The following NTRK3 variants were observed in gnomAD, a reference collection of about 807,000 sequenced individuals.
The protein encoded by NTRK3 is NT-3 growth factor receptor.
Under a neutral mutation model 91.7 loss-of-function variants are expected in NTRK3, and 24 were observed. That is an observed-to-expected ratio of 0.26 (90% CI 0.19 to 0.37). The LOEUF is 0.37. Ranked by LOEUF, NTRK3 falls within the 10% of genes least tolerant of loss-of-function variation. NTRK3 has a pLI of 1.00. For synonymous variants in NTRK3, 483 were observed against 404.0 expected, an observed-to-expected ratio of 1.20 and a Z score of -2.34; for missense variants, 880 against 1,068.9, an observed-to-expected ratio of 0.82 and a Z score of 2.46.
rs2052588273 is a variant in NTRK3, at chr15:88,243,818, TAGTC to T, written c.248+12084_248+12087del. Among the ~76,000 whole-genome samples the T allele has an allele frequency of 6.6e-6, 1 of 152,136 alleles. No homozygotes were observed. On this transcript the variant is annotated intron_variant, in intron 3 of 18. Coordinates refer to ENST00000394480, the Ensembl canonical transcript of NTRK3. This position sits in a 1 kb window ranked among gnomAD's most constrained non-coding sequence, Gnocchi z 4.8. ...CAGGATTGTTTCATCACAATCAACTTAGTCAGTTGCCCATGTGGTTTCTCCAGTT... is the reference window on the plus strand; with the variant it reads ...CAGGATTGTTTCATCACAATCAACTTAGTTGCCCATGTGGTTTCTCCAGTT...
chr15:87,984,311 T>A (rs1382621323), intron 14 of NTRK3, among the ~76,000 whole-genome samples: 1 of 152,220 alleles, frequency 6.6e-6, no homozygotes, highest in East Asian at 1.9e-4. Context: ...TAGACACATG[T>A]CTCTTGCTTC....
exon 19 of NTRK3, chr15:87,866,167 T>C (rs2064670180): frequency 4.4e-6 from 1 of 225,408 alleles, no homozygotes; most frequent in East Asian, 6.4e-5. Context: ...GGGCAGACAA[T>C]GTTTTTCCAA....
intron 13 of NTRK3, among the ~76,000 whole-genome samples, chr15:88,124,037 C>A (rs2053022343): frequency 6.6e-6 from 1 of 152,130 alleles, no homozygotes; most frequent in Non-Finnish European, 1.5e-5. Flanking sequence ...AAGAGGGATG[C>A]ATTCGGATGG....
chr15:88,059,561 C>A (rs1377304337), intron 13 of NTRK3, among the ~76,000 whole-genome samples: 1 of 150,848 alleles, frequency 6.6e-6, no homozygotes, highest in African/African-American at 2.4e-5. Flanking sequence ...TCCAAACTCT[C>A]TGGCAAGCAC....
intron 7 of NTRK3, among the ~76,000 whole-genome samples, chr15:88,136,854 T>A (rs1368843111): frequency 6.6e-6 from 1 of 151,952 alleles, no homozygotes; most frequent in Non-Finnish European, 1.5e-5. Flanking sequence ...GGTTGCGGGG[T>A]GGGGGCAGTG....
At chr15:88,041,961 C>A (rs1401245166) in intron 13 of NTRK3, among the ~76,000 whole-genome samples, 1 of 151,990 alleles carries the variant, frequency 6.6e-6, no homozygotes, top group African/African-American at 2.4e-5. Context: ...CAGATCATGA[C>A]CACTTAGATC....
intron 5 of NTRK3, among the ~76,000 whole-genome samples, chr15:88,159,943 TACACAC>T (rs59254719): frequency 0.19 from 21,519 of 111,806 alleles, 1,928 homozygotes; most frequent in Middle Eastern, 0.22. Context: ...CCCAGCCTCC[TACACAC>T]ACACACACAC....
chr15:88,185,774 G>A (rs909297353), intron 3 of NTRK3, among the ~76,000 whole-genome samples: 3 of 152,182 alleles, frequency 2.0e-5, no homozygotes, highest in African/African-American at 7.2e-5. Flanking sequence ...TCTGCCATCT[G>A]CCACCAACTC....
intron 14 of NTRK3, among the ~76,000 whole-genome samples, chr15:87,989,272 G>A (rs1335221084): frequency 6.6e-6 from 1 of 152,202 alleles, no homozygotes; most frequent in Non-Finnish European, 1.5e-5. Context: ...ATCAATGATA[G>A]ACTGGATTAA....
At position 87,967,539 on chromosome 15, in the gene NTRK3, G is replaced by C. The variant is rs149288865; in HGVS notation, c.1586-26786C>G. ...CAAGTCCAAATGTGATGCACAATGA[G>C]AGCTACAGTGCAATGAAGGGATGCC... is the stretch of plus-strand genomic sequence containing the variant. On this transcript the variant is annotated intron_variant, in intron 14 of 18. Transcript: ENST00000394480. 2.0e-5 allele frequency among the ~76,000 whole-genome samples: 3 copies of C among 152,282 alleles called. No homozygotes were observed. In the East Asian group the frequency reaches 5.8e-4, roughly 29 times the overall value.
chr15:88,187,027 C>A (rs2046999810), intron 3 of NTRK3, among the ~76,000 whole-genome samples: 1 of 152,142 alleles, frequency 6.6e-6, no homozygotes, highest in Non-Finnish European at 1.5e-5. Flanking sequence ...AAAAAGAAAA[C>A]CCCTTTGCAG....
exon 19 of NTRK3, chr15:87,860,933 T>C (rs886131181): frequency 4.5e-6 from 1 of 222,720 alleles, no homozygotes; most frequent in African/African-American, 2.2e-5. Flanking sequence ...TCTCCACCCA[T>C]AAATGATGAC....
chr15:88,156,417 C>T (rs2043907211), intron 5 of NTRK3, among the ~76,000 whole-genome samples: 1 of 152,170 alleles, frequency 6.6e-6, no homozygotes, highest in African/African-American at 2.4e-5. Flanking sequence ...AAAATGACAT[C>T]AGCCTCCTGT....
chr15:87,939,319 G>T (rs1352930386), intron 15 of NTRK3, among the ~76,000 whole-genome samples: 1 of 152,144 alleles, frequency 6.6e-6, no homozygotes, highest in Non-Finnish European at 1.5e-5. Context: ...GACACATTAT[G>T]TAATTTAATC....
rs575853201 is a variant in NTRK3, at chr15:88,246,574, A to C, written c.248+9332T>G. Among the ~76,000 whole-genome samples, 45 of 152,274 alleles carry C rather than the reference A, an allele frequency of 3.0e-4. No individual in the cohort carries two copies. In the South Asian group the frequency reaches 8.7e-3, roughly 29 times the overall value. ...AAACTATCTGTCAACTTCTCTATTA[A>C]GCCTGTGGGTCTTCCTGGGCTACCT... On this transcript the variant is annotated intron_variant, in intron 3 of 18. Transcript: ENST00000394480.
intron 13 of NTRK3, among the ~76,000 whole-genome samples, chr15:88,068,571 T>C (rs1854174335): frequency 1.3e-5 from 2 of 152,252 alleles, no homozygotes; most frequent in South Asian, 4.2e-4. Flanking sequence ...AGCCAAGATA[T>C]AGGGCTCAGA....
At chr15:88,087,755 A>T (rs899246529) in intron 13 of NTRK3, among the ~76,000 whole-genome samples, 2 of 152,136 alleles carry the variant, frequency 1.3e-5, no homozygotes, top group Non-Finnish European at 2.9e-5. Context: ...CATACTTTAA[A>T]TACTTCCAGC....
In NTRK3 at chr15:88,255,912, G is replaced by T. The variant is rs1429641565; in HGVS notation, c.242C>A (p.Thr81Asn). The T allele has an allele frequency of 6.2e-7, 1 of 1,611,468 alleles. No individual in the cohort carries two copies. Among genetic ancestry groups the T allele is most frequent in the Non-Finnish European group, 8.5e-7 (1 of 1,178,468 alleles). Residue 81 changes from threonine (T) to asparagine (N), a missense_variant, in exon 3 of 19, where the codon ACT becomes AAT. By Grantham distance (65) the Thr-to-Asn change is moderately conservative (BLOSUM62 0). This residue lies in a region of NTRK3 where 743 missense variants were observed against 868.6 expected (regional missense o/e 0.86). Transcript: ENST00000394480. This position sits in a 1 kb window ranked among gnomAD's most constrained non-coding sequence, Gnocchi z 4.3. ...GAGCGGCCGCCTGACTTACATGGAA[G>T]TGATATTCCTTGAGATGTCCGTGAT...
intron 5 of NTRK3, among the ~76,000 whole-genome samples, chr15:88,159,050 C>A (rs1034496473): frequency 3.3e-5 from 5 of 152,198 alleles, no homozygotes; most frequent in South Asian, 2.1e-4. Flanking sequence ...CCAGGGCGGG[C>A]ACTGTCAGGG....
Sources: gnomAD v4.1 joint callset for allele counts (sites outside exome capture counted in the v4.1 genomes callset) on GRCh38, gnomAD v4.1.1 for gene constraint, gnomAD v4.1.1 regional missense constraint, Gnocchi (gnomAD v3.1) non-coding constraint, MANE v1.5 for transcripts, NCBI Gene and HGNC (gene_info 2026-07-23, HGNC 2026-07-21) for gene names.